Variants in CACNA2D3 observed in about 807,000 individuals in gnomAD.
The protein encoded by CACNA2D3 is calcium voltage-gated channel auxiliary subunit alpha2delta 3.
CACNA2D3 carries 60 observed loss-of-function variants against 160.6 expected under a neutral mutation model. The observed-to-expected ratio is 0.37, with a 90% CI of 0.30 to 0.46. The LOEUF (loss-of-function observed/expected upper bound fraction) is 0.46, where lower values mean the gene tolerates loss of function less well. Among genes scored for constraint, CACNA2D3 ranks in the 20% least tolerant of loss-of-function variants. The pLI is 1.00. For missense variants in CACNA2D3, 1,205 were observed against 1,365.0 expected (o/e 0.88, Z 1.85); for synonymous variants, 558 against 492.9 (o/e 1.13, Z -1.75).
intron 4 of CACNA2D3, among the ~76,000 whole-genome samples, chr3:54,421,772 C>T (rs952835530): frequency 1.3e-5 from 2 of 152,088 alleles, no homozygotes; most frequent in Non-Finnish European, 2.9e-5. Flanking sequence ...AGCCACTGAG[C>T]AGTGTATTGC....
intron 2 of CACNA2D3, among the ~76,000 whole-genome samples, chr3:54,146,791 CCT>C (rs772100761): frequency 6.6e-6 from 1 of 152,204 alleles, no homozygotes; most frequent in Admixed American, 6.5e-5. Context: ...GCTCCTGGGC[CCT>C]GTTTCCCGCC....
At chr3:54,251,606 G>A (rs570506774) in intron 2 of CACNA2D3, among the ~76,000 whole-genome samples, 2 of 152,316 alleles carry the variant, frequency 1.3e-5, no homozygotes, top group African/African-American at 2.4e-5. Flanking sequence ...GGCTCTAGGA[G>A]CCTTCTCCTC....
intron 35 of CACNA2D3, among the ~76,000 whole-genome samples, chr3:55,056,552 C>T (rs1704365989): frequency 6.6e-6 from 1 of 152,118 alleles, no homozygotes; most frequent in South Asian, 2.1e-4. Flanking sequence ...ATGGAATCAA[C>T]CTAAGTGTTC....
At chr3:55,036,480 T>G (rs1703818543) in intron 35 of CACNA2D3, among the ~76,000 whole-genome samples, 1 of 152,020 alleles carries the variant, frequency 6.6e-6, no homozygotes, top group African/African-American at 2.4e-5. Context: ...TATTTTTTAT[T>G]TTTTTGAGAC....
intron 2 of CACNA2D3, among the ~76,000 whole-genome samples, chr3:54,161,633 G>T (rs1355938464): frequency 2.6e-5 from 4 of 152,212 alleles, no homozygotes; most frequent in African/African-American, 9.6e-5. Flanking sequence ...AAACTTGTGT[G>T]CCCTTCCCAG....
At chr3:54,761,741 G>A (rs1014943800) in intron 12 of CACNA2D3, among the ~76,000 whole-genome samples, 2 of 152,220 alleles carry the variant, frequency 1.3e-5, no homozygotes, top group Admixed American at 6.5e-5. Flanking sequence ...CAGGCCAGGA[G>A]GGTGGGGCAG....
At chr3:54,891,510 G>T (rs1231998288) in intron 25 of CACNA2D3, 60 bp downstream of exon 25, 1 of 1,256,628 alleles carries the variant, frequency 8.0e-7, no homozygotes, top group Non-Finnish European at 1.2e-6. Flanking sequence ...ACATTCAAAG[G>T]GAAGCTTATT....
chr3:54,893,393 C>A (rs2106872714), intron 25 of CACNA2D3, among the ~76,000 whole-genome samples: 1 of 148,542 alleles, frequency 6.7e-6, no homozygotes, highest in Middle Eastern at 3.4e-3. Context: ...TACTCATTGA[C>A]AATTTGAATG....
chr3:54,642,982 G>T (rs890923987), intron 11 of CACNA2D3, among the ~76,000 whole-genome samples: 2 of 152,026 alleles, frequency 1.3e-5, no homozygotes, highest in African/African-American at 2.4e-5. Context: ...TTCTCAGTGG[G>T]CACCAGCCAG....
chr3:54,353,582 C>T (rs369148542), intron 3 of CACNA2D3, among the ~76,000 whole-genome samples: 141 of 152,224 alleles, frequency 9.3e-4, no homozygotes, highest in Non-Finnish European at 1.8e-3. Context: ...ATTCCCACCG[C>T]GCCCCCTCCC....
At chr3:55,017,691 T>C (rs1184486197) in intron 34 of CACNA2D3, among the ~76,000 whole-genome samples, 1 of 152,200 alleles carries the variant, frequency 6.6e-6, no homozygotes, top group Non-Finnish European at 1.5e-5. Flanking sequence ...TGCTTTAAAA[T>C]TGACATGTTG....
chr3:54,984,783 A>ACAAT, intron 30 of CACNA2D3, 113 bp downstream of exon 30: 2 of 679,160 alleles, frequency 2.9e-6, no homozygotes, highest in South Asian at 1.8e-5. Context: ...TTAGGAGGTA[A>ACAAT]TAGCAGGAGA....
intron 2 of CACNA2D3, among the ~76,000 whole-genome samples, chr3:54,163,527 C>T (rs1700389463): frequency 6.6e-6 from 1 of 152,184 alleles, no homozygotes; most frequent in South Asian, 2.1e-4. Context: ...GTTTCACTTC[C>T]TGCTCGCGTT....
At chr3:54,350,985 T>G (rs1698548352) in intron 3 of CACNA2D3, among the ~76,000 whole-genome samples, 6 of 41,902 alleles carry the variant, frequency 1.4e-4, no homozygotes, top group South Asian at 1.5e-3. Flanking sequence ...TTTTTTTGTT[T>G]GTTTTTTTTT....
At chr3:54,447,451 G>T (rs1700240579) in intron 4 of CACNA2D3, among the ~76,000 whole-genome samples, 1 of 152,226 alleles carries the variant, frequency 6.6e-6, no homozygotes. Flanking sequence ...ACTCTTTCCA[G>T]TGTTTTGTTT....
chr3:54,656,647 TG>T (rs1319420596), intron 11 of CACNA2D3, among the ~76,000 whole-genome samples: 1 of 152,228 alleles, frequency 6.6e-6, no homozygotes, highest in Non-Finnish European at 1.5e-5. Flanking sequence ...CCCACAGGCC[TG>T]GCAGCCAGCT....
chr3:54,807,298 C>T (rs1252886315), intron 13 of CACNA2D3, among the ~76,000 whole-genome samples: 2 of 152,120 alleles, frequency 1.3e-5, no homozygotes, highest in African/African-American at 4.8e-5. Flanking sequence ...TTTTCGCAAC[C>T]TTCTCATCTA....
chr3:54,804,021 C>T (rs1703056621), intron 13 of CACNA2D3, among the ~76,000 whole-genome samples: 1 of 151,802 alleles, frequency 6.6e-6, no homozygotes, highest in African/African-American at 2.4e-5. Context: ...ATTTTGTCAC[C>T]ACCAGGCCTG....
chr3:54,528,229 T>G (rs184785650), intron 5 of CACNA2D3, among the ~76,000 whole-genome samples: 1 of 151,366 alleles, frequency 6.6e-6, no homozygotes, highest in East Asian at 1.9e-4. Context: ...GCCCTGATAC[T>G]TAACAGTTTG....
Sources: allele counts gnomAD v4.1 joint callset (sites outside exome capture counted in the v4.1 genomes callset), GRCh38; gene constraint gnomAD v4.1.1; transcripts MANE v1.5; gene names NCBI Gene and HGNC (gene_info 2026-07-23, HGNC 2026-07-21).